Variants in XPO4 observed in about 807,000 individuals in gnomAD.
The protein encoded by XPO4 is exportin-4.
XPO4 carries 39 observed loss-of-function variants against 143.0 expected under a neutral mutation model. That is an observed-to-expected ratio of 0.27 (90% confidence interval 0.21 to 0.36). The LOEUF (loss-of-function observed/expected upper bound fraction) is 0.36. Ranked by LOEUF, XPO4 falls within the 10% of genes least tolerant of loss-of-function variation. The pLI, the probability that XPO4 is intolerant of heterozygous loss-of-function variation, is 1.00. For missense variants in XPO4, 907 were observed against 1,348.0 expected, an observed-to-expected ratio of 0.67 and a Z score of 5.12; for synonymous variants, 439 against 474.0, an observed-to-expected ratio of 0.93 and a Z score of 0.96.
At chr13:20,808,960 T>C in intron 11 of XPO4, 123 bp downstream of exon 11, 1 of 1,115,414 alleles carries the variant, frequency 9.0e-7, no homozygotes, top group Non-Finnish European at 1.3e-6. Flanking sequence ...TTTCTGTCCA[T>C]TTGTTCCAGT....
At chr13:20,837,861 C>A (rs929451420) in intron 6 of XPO4, among the ~76,000 whole-genome samples, 2 of 152,114 alleles carry the variant, frequency 1.3e-5, no homozygotes, top group Non-Finnish European at 1.5e-5. Flanking sequence ...GAGGAAACTG[C>A]CCCCATGACT....
chr13:20,887,646 G>GGC (rs1470325866), intron 1 of XPO4, among the ~76,000 whole-genome samples: 1 of 152,084 alleles, frequency 6.6e-6, no homozygotes, highest in Non-Finnish European at 1.5e-5. Context: ...CTTGAAGTCA[G>GGC]GAGTTTGAGA....
Position 20,783,730 on chromosome 13 carries a change from C to T in XPO4, c.3448G>A (p.Val1150Ile). The change falls in exon 23 of 23, where the codon GTA (valine) becomes ATA (isoleucine). Residue 1150 changes from valine to isoleucine, a missense_variant. Val to Ile is a conservative substitution (Grantham distance 29). Transcript: ENST00000255305. ...GCATAAAGTTCTGTTGTTTATTTTACACAAAGGAGACCACCAACATTTGCC... is the reference window on the plus strand; with the variant it reads ...GCATAAAGTTCTGTTGTTTATTTTATACAAAGGAGACCACCAACATTTGCC... ...FMANVGGLLC[V>I]K is the part of the protein sequence containing the mutation. 1 of 1,614,166 alleles carries T rather than the reference C, an allele frequency of 6.2e-7. No homozygotes were observed. The highest frequency in any genetic ancestry group is 1.1e-5 in the South Asian group (1 of 91,082).
intron 6 of XPO4, among the ~76,000 whole-genome samples, chr13:20,833,898 G>A (rs1043794304): frequency 1.3e-5 from 2 of 152,130 alleles, no homozygotes; most frequent in African/African-American, 2.4e-5. Flanking sequence ...TGATGAGACC[G>A]CCCCGGACCC....
chr13:20,800,642 G>A (rs576995869), intron 14 of XPO4, among the ~76,000 whole-genome samples, 189 bp downstream of exon 14: 1 of 151,844 alleles, frequency 6.6e-6, no homozygotes, highest in Non-Finnish European at 1.5e-5. Flanking sequence ...TAAAATAAAC[G>A]ATATCAAGGG....
At chr13:20,892,179 T>C (rs9552291) in intron 1 of XPO4, among the ~76,000 whole-genome samples, 124,990 of 151,850 alleles carry the variant, frequency 0.82, 51,613 homozygotes, top group East Asian at 1. Flanking sequence ...CTTCACCTCC[T>C]GGGTTCAAGC....
intron 1 of XPO4, 144 bp downstream of exon 1, chr13:20,902,526 C>A (rs2060631478): frequency 6.6e-5 from 88 of 1,329,904 alleles, no homozygotes; most frequent in Non-Finnish European, 8.0e-5. Context: ...GAATCCTGCG[C>A]CACGCCACCG....
chr13:20,800,729 A>G, intron 14 of XPO4, 102 bp downstream of exon 14: 9 of 1,427,188 alleles, frequency 6.3e-6, no homozygotes, highest in Non-Finnish European at 7.6e-6. Context: ...AACTGCTCTT[A>G]AACAGTTCTA....
At chr13:20,832,027 C>T (rs2138014446) in intron 6 of XPO4, among the ~76,000 whole-genome samples, 1 of 152,166 alleles carries the variant, frequency 6.6e-6, no homozygotes, top group South Asian at 2.1e-4. Flanking sequence ...GCCCCCTCTC[C>T]CACAACAATC....
At chr13:20,879,279 A>G (rs1055843393) in intron 1 of XPO4, 2 of 985,238 alleles carry the variant, frequency 2.0e-6, no homozygotes, top group Non-Finnish European at 2.4e-6. Context: ...AACAAACAAA[A>G]CAAACCGGAA....
chr13:20,822,100 C>T (rs1186197741), intron 8 of XPO4, 32 bp downstream of exon 8: 1 of 1,570,280 alleles, frequency 6.4e-7, no homozygotes, highest in African/African-American at 1.4e-5. Context: ...CGTAGAGCTC[C>T]TTTTTCAGCT....
In XPO4 at chr13:20,809,427, A is replaced by G. The variant is rs1454447027; in HGVS notation, c.1351-202T>C. Among the ~76,000 whole-genome samples the G allele has an allele frequency of 3.3e-5, 5 of 152,182 alleles. No homozygotes were observed. The East Asian group carries it at 9.6e-4, about 29-fold the overall frequency. On this transcript the variant is annotated intron_variant, in intron 10 of 22. Transcript: ENST00000255305. ...TGGTAGTTATCAAAAGGGGGAAAACATACAAGAGCAAGAAGTACAGGAATC... is the reference window on the plus strand; with the variant it reads ...TGGTAGTTATCAAAAGGGGGAAAACGTACAAGAGCAAGAAGTACAGGAATC...
At chr13:20,872,934 A>G (rs1387091058) in intron 1 of XPO4, among the ~76,000 whole-genome samples, 1 of 152,188 alleles carries the variant, frequency 6.6e-6, no homozygotes, top group African/African-American at 2.4e-5. Flanking sequence ...TTCAGTAAAC[A>G]AAGAGTAATA....
At chr13:20,874,203 T>C (rs1464338898) in intron 1 of XPO4, among the ~76,000 whole-genome samples, 1 of 152,160 alleles carries the variant, frequency 6.6e-6, no homozygotes. Flanking sequence ...TACATATCAT[T>C]TATAGGACCA....
At chr13:20,901,130 G>C (rs2060616835) in intron 1 of XPO4, among the ~76,000 whole-genome samples, 1 of 152,120 alleles carries the variant, frequency 6.6e-6, no homozygotes, top group Non-Finnish European at 1.5e-5. Flanking sequence ...ACCTTGTAAA[G>C]CAAAGCTGTT....
chr13:20,865,254 TC>T (rs924186110), intron 2 of XPO4, among the ~76,000 whole-genome samples: 5 of 151,968 alleles, frequency 3.3e-5, no homozygotes, highest in Admixed American at 1.3e-4. Context: ...TTCTCCTGCC[TC>T]AGCCTCCCGA....
At chr13:20,863,548 GA>G (rs1412263303) in intron 2 of XPO4, among the ~76,000 whole-genome samples, 2 of 152,048 alleles carry the variant, frequency 1.3e-5, no homozygotes, top group African/African-American at 4.8e-5. Context: ...AATCAGGGGA[GA>G]AAAAATAGAA....
chr13:20,794,745 GGAAA>G lies in XPO4; in HGVS notation c.2797+1327_2797+1330del, dbSNP rs1406565553. 2.0e-5 allele frequency among the ~76,000 whole-genome samples: 3 copies of G among 151,884 alleles called. No individual in the cohort carries two copies. The East Asian group carries it at 5.8e-4, about 29-fold the overall frequency. On this transcript the variant is annotated intron_variant, in intron 18 of 22. Coordinates refer to ENST00000255305, the MANE Select transcript of XPO4 (RefSeq NM_022459.5). ...GACCCTGCCTCTCAAACAACAACAA[GGAAA>G]GAAAGAAAAAGTTAAGAACTCCTGG...
At chr13:20,814,088 C>G (rs901249610) in intron 9 of XPO4, among the ~76,000 whole-genome samples, 2 of 151,718 alleles carry the variant, frequency 1.3e-5, no homozygotes, top group Non-Finnish European at 1.5e-5. Context: ...TGCTTTACAG[C>G]CATCATTTGT....
Sources: gnomAD v4.1 joint callset for allele counts (sites outside exome capture counted in the v4.1 genomes callset) on GRCh38, gnomAD v4.1.1 for gene constraint, MANE v1.5 for transcripts, NCBI Gene and HGNC (gene_info 2026-07-23, HGNC 2026-07-21) for gene names.